Variants in CSNK1G1 observed in about 807,000 individuals in gnomAD.
CSNK1G1 encodes the protein casein kinase 1 gamma 1.
Under a neutral mutation model 59.6 loss-of-function variants are expected in CSNK1G1, and 22 were observed. The observed-to-expected ratio is 0.37, with a 90% CI of 0.26 to 0.53. The LOEUF (loss-of-function observed/expected upper bound fraction) is 0.53, where lower values mean the gene tolerates loss of function less well. Among genes scored for constraint, CSNK1G1 ranks in the 20% least tolerant of loss-of-function variants. The pLI is 0.89. For synonymous variants in CSNK1G1, 179 were observed against 177.1 expected (o/e 1.01, Z -0.08); for missense variants, 384 against 519.5 (o/e 0.74, Z 2.54).
chr15:64,344,671 C>A (rs760992387), intron 1 of CSNK1G1, among the ~76,000 whole-genome samples: 2 of 152,138 alleles, frequency 1.3e-5, no homozygotes, highest in Non-Finnish European at 2.9e-5. Context: ...TCCATAATTT[C>A]TTCACTAACT....
intron 2 of CSNK1G1, among the ~76,000 whole-genome samples, chr15:64,293,015 T>C (rs1184466735): frequency 2.0e-5 from 3 of 152,230 alleles, no homozygotes; most frequent in African/African-American, 7.2e-5. Context: ...TGAGGATGTA[T>C]ATTTTCTTAA....
rs531206376 is a variant in CSNK1G1, at chr15:64,281,121, C to T, written c.181+19198G>A. On this transcript the variant is annotated intron_variant, in intron 2 of 11. Coordinates refer to ENST00000303052, the MANE Select transcript of CSNK1G1 (RefSeq NM_022048.5). ...GTCTCGATCTCCTGACCTCATGATC[C>T]GCCTGCCTCGGCGTCCCAAAGTGCT... Among the ~76,000 whole-genome samples the T allele has an allele frequency of 3.1e-4, 47 of 152,204 alleles. 1 individual carries two copies. Among genetic ancestry groups the T allele is most frequent in the African/African-American group, 1.0e-3 (42 of 41,542 alleles).
intron 7 of CSNK1G1, 73 bp from the exon 8 acceptor site, chr15:64,205,022 A>C: frequency 1.2e-6 from 1 of 842,632 alleles, no homozygotes; most frequent in Non-Finnish European, 1.9e-6. Context: ...GTTTTTGGAC[A>C]CAATGGTTGT....
intron 1 of CSNK1G1, among the ~76,000 whole-genome samples, chr15:64,342,028 T>C (rs1197624016): frequency 6.6e-6 from 1 of 152,254 alleles, no homozygotes; most frequent in Non-Finnish European, 1.5e-5. Context: ...CCCAACTGGC[T>C]AAATGACTTC....
chr15:64,169,004 G>A lies in CSNK1G1; in HGVS notation c.*2927C>T, dbSNP rs1297728116. The A allele has an allele frequency of 6.6e-6, 1 of 152,536 alleles. No individual in the cohort carries two copies. Among genetic ancestry groups the A allele is most frequent in the Non-Finnish European group, 1.5e-5 (1 of 68,026 alleles). 9.4% of individuals were successfully genotyped at this position (152,536 alleles called of 1,614,324 possible). On this transcript the variant is annotated 3_prime_UTR_variant, in exon 12 of 12. Transcript: ENST00000303052. ...AGAGATTTGTGAGGTTGGAAGGTGA[G>A]AACAGTGTCTTAGGAAGTACAGTCC...
chr15:64,289,479 A>C (rs1290744404), intron 2 of CSNK1G1, among the ~76,000 whole-genome samples: 1 of 152,208 alleles, frequency 6.6e-6, no homozygotes, highest in Non-Finnish European at 1.5e-5. Flanking sequence ...GTGTAATTCC[A>C]AAAGAAATTT....
Position 64,344,237 on chromosome 15 carries a change from C to G in CSNK1G1, c.-225+11751G>C, listed in dbSNP as rs186472095. Among the ~76,000 whole-genome samples the G allele has an allele frequency of 4.5e-4, 68 of 152,240 alleles. 1 individual carries two copies. Among genetic ancestry groups the G allele is most frequent in the African/African-American group, 1.6e-3 (65 of 41,534 alleles). The stretch of plus-strand genomic sequence containing the variant: ...AAAGATGCTGAAACTCTGAATAGTT[C>G]TATGATTTGTTTTCTCAACAGATGT... On this transcript the variant is annotated intron_variant, in intron 1 of 11. Transcript: ENST00000303052.
intron 2 of CSNK1G1, among the ~76,000 whole-genome samples, chr15:64,271,920 G>A (rs1361834040): frequency 6.6e-6 from 1 of 152,108 alleles, no homozygotes. Flanking sequence ...CTTGCTTTAC[G>A]AATCTGGGTG....
intron 1 of CSNK1G1, among the ~76,000 whole-genome samples, chr15:64,340,577 C>T (rs1897633321): frequency 6.6e-6 from 1 of 152,122 alleles, no homozygotes; most frequent in Non-Finnish European, 1.5e-5. Flanking sequence ...TCACCACTCC[C>T]TCAGTAAAGT....
intron 1 of CSNK1G1, among the ~76,000 whole-genome samples, chr15:64,304,015 A>G (rs1424570574): frequency 1.3e-5 from 2 of 152,078 alleles, no homozygotes; most frequent in Non-Finnish European, 2.9e-5. Flanking sequence ...TCCCACAACC[A>G]TGACAAAAAC....
intron 10 of CSNK1G1, among the ~76,000 whole-genome samples, chr15:64,198,773 G>A (rs1434565466): frequency 2.7e-5 from 4 of 150,012 alleles, no homozygotes; most frequent in African/African-American, 9.8e-5. Flanking sequence ...AAAGATAGAA[G>A]AAATGTAATA....
chr15:64,342,936 A>G (rs1596300801), intron 1 of CSNK1G1, among the ~76,000 whole-genome samples: 1 of 152,278 alleles, frequency 6.6e-6, no homozygotes, highest in African/African-American at 2.4e-5. Context: ...ATCTGCATTT[A>G]TAATAAATTT....
chr15:64,175,372 A>G (rs1222952262), intron 11 of CSNK1G1, among the ~76,000 whole-genome samples: 1 of 152,160 alleles, frequency 6.6e-6, no homozygotes, highest in African/African-American at 2.4e-5. Context: ...CATATAGAGC[A>G]TGACTTTATG....
intron 1 of CSNK1G1, among the ~76,000 whole-genome samples, chr15:64,328,924 A>G (rs1053719866): frequency 1.5e-5 from 2 of 136,600 alleles, no homozygotes; most frequent in African/African-American, 2.8e-5. Flanking sequence ...AAAGAGACAA[A>G]GAAGGCCATT....
intron 1 of CSNK1G1, among the ~76,000 whole-genome samples, chr15:64,336,030 T>C (rs945305267): frequency 6.6e-6 from 1 of 152,196 alleles, no homozygotes; most frequent in Non-Finnish European, 1.5e-5. Context: ...ATAATATTCA[T>C]CTTAATTCAT....
At chr15:64,253,976 C>T (rs1183372276) in intron 3 of CSNK1G1, among the ~76,000 whole-genome samples, 1 of 152,078 alleles carries the variant, frequency 6.6e-6, no homozygotes, top group East Asian at 1.9e-4. Flanking sequence ...CCCGTCTCTA[C>T]TAAAATACAA....
chr15:64,274,551 C>T (rs1224372737), intron 2 of CSNK1G1, among the ~76,000 whole-genome samples: 1 of 152,212 alleles, frequency 6.6e-6, no homozygotes. Flanking sequence ...CACAACGCTT[C>T]CCAAGCTCAC....
intron 3 of CSNK1G1, among the ~76,000 whole-genome samples, chr15:64,258,383 CAAA>C (rs11364241): frequency 8.0e-6 from 1 of 124,800 alleles, no homozygotes; most frequent in Admixed American, 8.4e-5. Flanking sequence ...ACCCTGTCTC[CAAA>C]AAAAAAAAAA....
In CSNK1G1 at chr15:64,307,648, G is replaced by A. The variant is rs370452241; in HGVS notation, c.-224-6925C>T. The stretch of plus-strand genomic sequence containing the variant: ...ACATTTTAGTAGTACACTAAAGTAC[G>A]GGGACTTATGAAACATCTTGTCAGC... On this transcript the variant is annotated intron_variant, in intron 1 of 11. Coordinates refer to ENST00000303052, the MANE Select transcript of CSNK1G1 (RefSeq NM_022048.5). Among the ~76,000 whole-genome samples, 4 of 151,980 alleles carry A rather than the reference G, an allele frequency of 2.6e-5. No individual in the cohort carries two copies. In the South Asian group the frequency reaches 6.2e-4, roughly 24 times the overall value.
Sources: gnomAD v4.1 joint callset for allele counts (sites outside exome capture counted in the v4.1 genomes callset) on GRCh38, gnomAD v4.1.1 for gene constraint, MANE v1.5 for transcripts, NCBI Gene and HGNC (gene_info 2026-07-23, HGNC 2026-07-21) for gene names.